MED13L: variants seen among roughly 807,000 people sequenced by gnomAD.
MED13L encodes mediator of RNA polymerase II transcription subunit 13-like.
In MED13L, 7 loss-of-function variants were observed where a neutral mutation model predicts 220.9. The observed-to-expected ratio is 0.03, with a 90% CI of 0.02 to 0.06. The LOEUF is 0.06. Ranked by LOEUF, MED13L falls within the 10% of genes least tolerant of loss-of-function variation. The pLI is 1.00. For missense variants in MED13L, 1,965 were observed against 2,760.5 expected (o/e 0.71, Z 6.46); for synonymous variants, 1,011 against 1,015.2 (o/e 1.00, Z 0.08).
chr12:116,019,164 G>A, intron 7 of MED13L, 60 bp downstream of exon 7: 5 of 1,525,250 alleles, frequency 3.3e-6, no homozygotes, highest in Non-Finnish European at 4.5e-6. Flanking sequence ...TTCCATGGCA[G>A]GTAGACTATA....
intron 2 of MED13L, among the ~76,000 whole-genome samples, chr12:116,145,818 A>G (rs1877457414): frequency 6.6e-6 from 1 of 151,976 alleles, no homozygotes; most frequent in African/African-American, 2.4e-5. Context: ...GGTGACAGCC[A>G]CTGTGCCTGG....
chr12:116,240,136 G>A (rs545050516), intron 1 of MED13L, among the ~76,000 whole-genome samples: 71 of 151,048 alleles, frequency 4.7e-4, no homozygotes, highest in African/African-American at 1.6e-3. Context: ...TTTCTGAGAT[G>A]GAGCCTCGCT....
chr12:116,274,103 C>T (rs1031222457), intron 1 of MED13L, among the ~76,000 whole-genome samples: 28 of 152,166 alleles, frequency 1.8e-4, no homozygotes, highest in African/African-American at 6.8e-4. Context: ...GAATAAGAAA[C>T]TTATACAATG....
intron 2 of MED13L, among the ~76,000 whole-genome samples, chr12:116,168,391 CA>C (rs373059287): frequency 8.7e-5 from 13 of 149,958 alleles, no homozygotes; most frequent in African/African-American, 3.2e-4. Context: ...CTGTCAAACA[CA>C]ACACTAGATA....
intron 4 of MED13L, among the ~76,000 whole-genome samples, chr12:116,068,036 CAAAT>C (rs1419485862): frequency 6.6e-6 from 1 of 152,182 alleles, no homozygotes; most frequent in Non-Finnish European, 1.5e-5. Context: ...ATTGCTGACA[CAAAT>C]ACAGTATGAA....
chr12:116,008,360 C>T, intron 10 of MED13L, 41 bp downstream of exon 10: 1 of 1,572,006 alleles, frequency 6.4e-7, no homozygotes, highest in Non-Finnish European at 8.6e-7. Context: ...GAGCCCATGC[C>T]CTTCCGGTGG....
intron 4 of MED13L, among the ~76,000 whole-genome samples, chr12:116,053,339 C>T (rs1193705758): frequency 2.0e-5 from 3 of 151,790 alleles, no homozygotes; most frequent in Admixed American, 2.0e-4. Flanking sequence ...ACATAAATAC[C>T]AGAAGAAAAG....
chr12:115,988,509 AAAC>A (rs1406835355), intron 17 of MED13L, among the ~76,000 whole-genome samples: 2 of 152,216 alleles, frequency 1.3e-5, no homozygotes, highest in Non-Finnish European at 2.9e-5. Flanking sequence ...TACATATAGT[AAAC>A]AACAACAGTG....
chr12:116,010,404 C>T (rs1879320757), intron 9 of MED13L, among the ~76,000 whole-genome samples: 2 of 152,046 alleles, frequency 1.3e-5, no homozygotes, highest in African/African-American at 4.8e-5. Flanking sequence ...AGCATTTACC[C>T]GCACTAGTTC....
chr12:116,125,014 T>A (rs1305725315), intron 2 of MED13L, among the ~76,000 whole-genome samples: 4 of 152,248 alleles, frequency 2.6e-5, no homozygotes, highest in Admixed American at 1.3e-4. Flanking sequence ...GTCTCTTTTT[T>A]AAGCTTTCTA....
chr12:116,027,990 C>T (rs145161022), intron 4 of MED13L, among the ~76,000 whole-genome samples: 53 of 152,186 alleles, frequency 3.5e-4, no homozygotes, highest in Non-Finnish European at 5.4e-4. Context: ...AGTAAAATTC[C>T]GGTGTTTTCA....
intron 8 of MED13L, among the ~76,000 whole-genome samples, chr12:116,013,967 G>GA (rs1043365031): frequency 6.6e-5 from 10 of 152,116 alleles, no homozygotes; most frequent in African/African-American, 1.2e-4. Context: ...AAAAGAAAAA[G>GA]AAAATGTTTA....
At chr12:116,245,996 G>C (rs1047934909) in intron 1 of MED13L, among the ~76,000 whole-genome samples, 1 of 152,098 alleles carries the variant, frequency 6.6e-6, no homozygotes, top group Non-Finnish European at 1.5e-5. Flanking sequence ...TGCAGACTAA[G>C]AGAAAATCCT....
chr12:116,218,979 G>A (rs1324418702), intron 2 of MED13L, among the ~76,000 whole-genome samples: 9 of 151,940 alleles, frequency 5.9e-5, no homozygotes, highest in African/African-American at 9.7e-5. Context: ...CAAGTAATCC[G>A]CCCACCTTGG....
At chr12:116,255,888 A>G (rs527623491) in intron 1 of MED13L, among the ~76,000 whole-genome samples, 32 of 152,372 alleles carry the variant, frequency 2.1e-4, no homozygotes, top group Middle Eastern at 6.8e-3. Context: ...TGACACTCAA[A>G]GGAAATTCCA....
intron 14 of MED13L, among the ~76,000 whole-genome samples, chr12:115,997,577 A>G (rs1878485976): frequency 6.6e-6 from 1 of 152,146 alleles, no homozygotes; most frequent in South Asian, 2.1e-4. Context: ...ACGTGCCACC[A>G]TGCCCAGCTA....
chr12:116,182,196 G>A (rs1880574673), intron 2 of MED13L, among the ~76,000 whole-genome samples: 2 of 151,998 alleles, frequency 1.3e-5, no homozygotes, highest in African/African-American at 4.8e-5. Flanking sequence ...CTGAACCTGT[G>A]CTGTTGAATA....
intron 2 of MED13L, among the ~76,000 whole-genome samples, chr12:116,198,142 C>T (rs1476044887): frequency 1.3e-5 from 2 of 152,074 alleles, no homozygotes; most frequent in African/African-American, 2.4e-5. Context: ...GCATATATTA[C>T]ATATTTTAAG....
chr12:116,207,281 G>A (rs749226441), intron 2 of MED13L, among the ~76,000 whole-genome samples: 11 of 150,718 alleles, frequency 7.3e-5, no homozygotes, highest in Non-Finnish European at 1.0e-4. Flanking sequence ...GATTACACAT[G>A]TGAGCCACCG....
Sources: allele counts gnomAD v4.1 joint callset (sites outside exome capture counted in the v4.1 genomes callset), GRCh38; gene constraint gnomAD v4.1.1; transcripts MANE v1.5; gene names NCBI Gene and HGNC (gene_info 2026-07-23, HGNC 2026-07-21).